Variants in TMEM178B observed in about 807,000 individuals in gnomAD.
TMEM178B encodes the protein transmembrane protein 178B.
TMEM178B carries 5 observed loss-of-function variants against 31.0 expected under a neutral mutation model. That is an observed-to-expected ratio of 0.16 (90% CI 0.08 to 0.34). The LOEUF (loss-of-function observed/expected upper bound fraction) is 0.34, where lower values mean the gene tolerates loss of function less well. Ranked by LOEUF, TMEM178B falls within the 10% of genes least tolerant of loss-of-function variation. The probability of loss-of-function intolerance (pLI) is 1.00; values close to 1 mark genes in which losing one functional copy is unlikely to be tolerated. For missense variants in TMEM178B, 275 were observed against 400.3 expected (o/e 0.69, Z 2.67); for synonymous variants, 164 against 164.0 (o/e 1.00, Z 0.00).
At chr7:141,140,656 C>T (rs1795754560) in intron 1 of TMEM178B, among the ~76,000 whole-genome samples, 1 of 152,168 alleles carries the variant, frequency 6.6e-6, no homozygotes, top group African/African-American at 2.4e-5. Flanking sequence ...TCTCATGTAT[C>T]CTTGGGCTCC....
chr7:141,186,614 C>G (rs1268487003), intron 1 of TMEM178B, among the ~76,000 whole-genome samples: 1 of 152,260 alleles, frequency 6.6e-6, no homozygotes, highest in Non-Finnish European at 1.5e-5. Context: ...TTTCTGGCAT[C>G]ATCTTCACTT....
intron 1 of TMEM178B, among the ~76,000 whole-genome samples, chr7:141,104,708 G>C (rs2129174302): frequency 6.6e-6 from 1 of 152,272 alleles, no homozygotes; most frequent in African/African-American, 2.4e-5. Flanking sequence ...GGCAGGGCCG[G>C]TTTCTCCAGA....
chr7:141,197,704 C>T (rs956852366), intron 1 of TMEM178B, among the ~76,000 whole-genome samples: 5 of 152,256 alleles, frequency 3.3e-5, no homozygotes, highest in Non-Finnish European at 7.3e-5. Flanking sequence ...GCGATCTTGG[C>T]TCACTGTAAC....
At chr7:141,454,301 A>G (rs2116708436) in intron 3 of TMEM178B, among the ~76,000 whole-genome samples, 1 of 152,262 alleles carries the variant, frequency 6.6e-6, no homozygotes, top group South Asian at 2.1e-4. Context: ...ATAAAGTAGG[A>G]AACTTCTCTC....
intron 2 of TMEM178B, among the ~76,000 whole-genome samples, chr7:141,219,352 G>A (rs1411229882): frequency 1.3e-5 from 2 of 152,206 alleles, no homozygotes; most frequent in Non-Finnish European, 2.9e-5. Flanking sequence ...GACATTAGAA[G>A]CTCAGGTCCC....
Position 141,453,938 on chromosome 7 carries a change from G to A in TMEM178B, c.634+16193G>A, listed in dbSNP as rs371983915. Reference sequence around the variant, plus strand: ...TTTTATCTAAAAAAAAAAAGCTTAAGCAGCTTTACATAAAGTTAAAATCTA... The same window carrying A: ...TTTTATCTAAAAAAAAAAAGCTTAAACAGCTTTACATAAAGTTAAAATCTA... On this transcript the variant is annotated intron_variant, in intron 3 of 3. Transcript: ENST00000565468. 1.7e-3 allele frequency among the ~76,000 whole-genome samples: 250 copies of A among 147,640 alleles called. 2 individuals are homozygous for A. Among genetic ancestry groups the A allele is most frequent in the African/African-American group, 5.9e-3 (235 of 39,980 alleles).
intron 2 of TMEM178B, among the ~76,000 whole-genome samples, chr7:141,380,117 G>A (rs757315910): frequency 1.3e-5 from 2 of 152,112 alleles, no homozygotes; most frequent in African/African-American, 2.4e-5. Flanking sequence ...ATATTTCAGC[G>A]ACAAAATGTT....
intron 2 of TMEM178B, among the ~76,000 whole-genome samples, chr7:141,216,682 G>T (rs951470678): frequency 6.6e-6 from 1 of 151,986 alleles, no homozygotes; most frequent in Non-Finnish European, 1.5e-5. Context: ...GGTGCCTTTC[G>T]CCTTCTCACC....
At chr7:141,195,196 A>G (rs897144665) in intron 1 of TMEM178B, among the ~76,000 whole-genome samples, 2 of 152,182 alleles carry the variant, frequency 1.3e-5, no homozygotes, top group African/African-American at 4.8e-5. Flanking sequence ...AGCTGGCTTG[A>G]ATTTCTCCCC....
At chr7:141,379,109 GCCATATAGT>G (rs760297355) in intron 2 of TMEM178B, among the ~76,000 whole-genome samples, 1 of 152,082 alleles carries the variant, frequency 6.6e-6, no homozygotes, top group Non-Finnish European at 1.5e-5. Context: ...GCTCAGACAG[GCCATATAGT>G]CCATAAGCTC....
intron 2 of TMEM178B, among the ~76,000 whole-genome samples, chr7:141,215,090 G>A (rs189231926): frequency 1.1e-3 from 162 of 152,248 alleles, no homozygotes; most frequent in Admixed American, 1.8e-3. Flanking sequence ...GGAAGCATAG[G>A]AAGTGTCGAT....
chr7:141,381,959 A>C (rs951104177), intron 2 of TMEM178B, among the ~76,000 whole-genome samples: 1 of 151,762 alleles, frequency 6.6e-6, no homozygotes, highest in South Asian at 2.1e-4. Flanking sequence ...ACCGTCTGCT[A>C]TCTAGTTAAT....
chr7:141,167,800 T>C (rs1796285673), intron 1 of TMEM178B, among the ~76,000 whole-genome samples: 4 of 152,208 alleles, frequency 2.6e-5, no homozygotes. Flanking sequence ...TGGTGGCTCC[T>C]CCCAAGGCCA....
intron 2 of TMEM178B, among the ~76,000 whole-genome samples, chr7:141,397,223 G>T (rs1421649748): frequency 6.6e-6 from 1 of 152,124 alleles, no homozygotes; most frequent in Non-Finnish European, 1.5e-5. Context: ...CCCCAGAAAT[G>T]GTACAGTGAG....
chr7:141,086,218 G>A (rs899003721), intron 1 of TMEM178B, among the ~76,000 whole-genome samples: 1 of 151,386 alleles, frequency 6.6e-6, no homozygotes, highest in African/African-American at 2.5e-5. Context: ...ATACAGCAGG[G>A]ATGGGGTTTC....
At chr7:141,437,540 G>T in intron 2 of TMEM178B, 68 bp from the exon 3 acceptor site, 2 of 1,518,636 alleles carry the variant, frequency 1.3e-6, no homozygotes, top group South Asian at 2.4e-5. Flanking sequence ...CCACCCCAGG[G>T]CTGGGGTATA....
At chr7:141,445,756 T>C (rs1801742795) in intron 3 of TMEM178B, among the ~76,000 whole-genome samples, 1 of 152,222 alleles carries the variant, frequency 6.6e-6, no homozygotes, top group African/African-American at 2.4e-5. Context: ...TCCATTTTAA[T>C]AGGCAGAGAA....
chr7:141,438,478 G>A (rs1444411299), intron 3 of TMEM178B, among the ~76,000 whole-genome samples: 2 of 151,716 alleles, frequency 1.3e-5, no homozygotes, highest in Non-Finnish European at 2.9e-5. Flanking sequence ...AGCTGAAGTT[G>A]ACCACTGGGT....
intron 2 of TMEM178B, among the ~76,000 whole-genome samples, chr7:141,289,304 A>C (rs1234322574): frequency 6.6e-6 from 1 of 152,192 alleles, no homozygotes; most frequent in Non-Finnish European, 1.5e-5. Context: ...TACAGTCCAC[A>C]ATATGTACCT....
Sources: allele counts gnomAD v4.1 joint callset (sites outside exome capture counted in the v4.1 genomes callset), GRCh38; gene constraint gnomAD v4.1.1; transcripts MANE v1.5; gene names NCBI Gene and HGNC (gene_info 2026-07-23, HGNC 2026-07-21).